Variants in DST observed in about 807,000 individuals in gnomAD.
DST encodes dystonin.
A neutral mutation model predicts 875.2 loss-of-function variants in DST; 253 were observed. That is an observed-to-expected ratio of 0.29 (90% CI 0.26 to 0.32). The LOEUF is 0.32. DST is among the 10% of genes least tolerant of loss of function. The pLI is 1.00. For synonymous variants in DST, 3,124 were observed against 3,197.1 expected (o/e 0.98, Z 0.77); for missense variants, 8,287 against 9,111.6 (o/e 0.91, Z 3.68).
intron 98 of DST, chr6:56,466,983 A>G (rs1230293199): frequency 6.6e-6 from 1 of 152,208 alleles, no homozygotes. Flanking sequence ...AATAATGTAG[A>G]TATGCTACAA....
At chr6:56,748,488 A>G (rs140748759) in intron 4 of DST, among the ~76,000 whole-genome samples, 1 of 152,324 alleles carries the variant, frequency 6.6e-6, no homozygotes, top group Non-Finnish European at 1.5e-5. Context: ...GTATTCTTAT[A>G]AGCACTAAAT....
chr6:56,811,244 C>A (rs11753755), intron 4 of DST, among the ~76,000 whole-genome samples: 1 of 149,682 alleles, frequency 6.7e-6, no homozygotes, highest in East Asian at 2.0e-4. Context: ...CAGCCCCAAC[C>A]TGAGAGACGA....
chr6:56,788,128 CAAA>C (rs781369739), intron 4 of DST, among the ~76,000 whole-genome samples: 5,118 of 24,712 alleles, frequency 0.21, 24 homozygotes, highest in Non-Finnish European at 0.27. Flanking sequence ...GACTCCGTCT[CAAA>C]AAAAAAAAAA....
intron 4 of DST, among the ~76,000 whole-genome samples, chr6:56,750,848 C>A (rs2099584760): frequency 6.6e-6 from 1 of 152,160 alleles, no homozygotes. Flanking sequence ...CAATACTGAG[C>A]AAAAGCTTTA....
intron 32 of DST, among the ~76,000 whole-genome samples, chr6:56,628,451 C>T (rs1320127342): frequency 6.6e-6 from 1 of 152,146 alleles, no homozygotes; most frequent in Non-Finnish European, 1.5e-5. Context: ...GGAAGCTTAA[C>T]CTTAATTATT....
intron 2 of DST, among the ~76,000 whole-genome samples, chr6:56,911,489 A>C (rs1015797964): frequency 6.6e-6 from 1 of 152,180 alleles, no homozygotes; most frequent in Non-Finnish European, 1.5e-5. Flanking sequence ...AAAGGAAAAG[A>C]AGCAGCTAGT....
intron 2 of DST, among the ~76,000 whole-genome samples, chr6:56,927,424 A>T (rs1034648269): frequency 3.3e-4 from 50 of 152,316 alleles, no homozygotes; most frequent in African/African-American, 1.2e-3. Context: ...ATAACATTGA[A>T]ATAAAAGCCT....
At chr6:56,641,456 C>T (rs772099015) in intron 17 of DST, among the ~76,000 whole-genome samples, 11 of 151,958 alleles carry the variant, frequency 7.2e-5, no homozygotes, top group South Asian at 4.1e-4. Context: ...GGTGTGGTGG[C>T]GGGTGCCTGT....
chr6:56,728,291 A>C (rs1229976683), intron 5 of DST, among the ~76,000 whole-genome samples: 1 of 152,266 alleles, frequency 6.6e-6, no homozygotes, highest in African/African-American at 2.4e-5. Flanking sequence ...TTTTAGGTTC[A>C]AAAGATATTT....
intron 2 of DST, among the ~76,000 whole-genome samples, chr6:56,906,049 T>C (rs1370468693): frequency 1.3e-5 from 2 of 152,246 alleles, no homozygotes; most frequent in Admixed American, 6.5e-5. Flanking sequence ...TAGGAGCATA[T>C]ATAACTCTTC....
chr6:56,530,790 T>C (rs771854136), intron 64 of DST, among the ~76,000 whole-genome samples: 30 of 152,324 alleles, frequency 2.0e-4, no homozygotes, highest in Middle Eastern at 6.8e-3. Context: ...TGCAGAGGAC[T>C]AAAGCTAAAA....
At chr6:56,881,164 C>T (rs769177302) in intron 3 of DST, among the ~76,000 whole-genome samples, 8 of 151,474 alleles carry the variant, frequency 5.3e-5, no homozygotes, top group Non-Finnish European at 1.0e-4. Context: ...TACCATCTTT[C>T]TCAAAGTTAT....
chr6:56,510,867 T>G (rs908743502), intron 73 of DST, among the ~76,000 whole-genome samples: 3 of 152,152 alleles, frequency 2.0e-5, no homozygotes, highest in African/African-American at 7.2e-5. Flanking sequence ...TATTAATAAT[T>G]ATAACACTTT....
chr6:56,467,261 A>G (rs1304130470), intron 98 of DST: 1 of 152,080 alleles, frequency 6.6e-6, no homozygotes, highest in Non-Finnish European at 1.5e-5. Context: ...ATAAACAGAA[A>G]ACTCTAGGTA....
chr6:56,629,776 T>C (rs182730923), intron 31 of DST, among the ~76,000 whole-genome samples: 4 of 152,316 alleles, frequency 2.6e-5, no homozygotes, highest in Non-Finnish European at 5.9e-5. Context: ...CTAATCCCAC[T>C]GTTAAAAAGA....
chr6:56,945,267 T>C (rs1229206875), intron 2 of DST, among the ~76,000 whole-genome samples: 1 of 152,208 alleles, frequency 6.6e-6, no homozygotes, highest in Non-Finnish European at 1.5e-5. Context: ...CAGAGAGACT[T>C]GTCCAGAGGC....
intron 15 of DST, among the ~76,000 whole-genome samples, chr6:56,643,355 C>T (rs563765809): frequency 2.4e-4 from 36 of 152,258 alleles, no homozygotes; most frequent in African/African-American, 8.7e-4. Context: ...CCATTTTAAC[C>T]ACCATGTCAT....
At chr6:56,748,783 G>A (rs1011323536) in intron 4 of DST, among the ~76,000 whole-genome samples, 7 of 152,078 alleles carry the variant, frequency 4.6e-5, no homozygotes, top group Non-Finnish European at 4.4e-5. Flanking sequence ...AATTTGGCCC[G>A]GATATTCTAA....
At chr6:56,669,920 CTATT>C in intron 10 of DST, among the ~76,000 whole-genome samples, 1 of 152,292 alleles carries the variant, frequency 6.6e-6, no homozygotes, top group Non-Finnish European at 1.5e-5. Context: ...CACCAGGAAA[CTATT>C]TACCACCCCA....
Sources: allele counts gnomAD v4.1 joint callset (sites outside exome capture counted in the v4.1 genomes callset), GRCh38; gene constraint gnomAD v4.1.1; transcripts MANE v1.5; gene names NCBI Gene and HGNC (gene_info 2026-07-23, HGNC 2026-07-21).